Variants in CCM2 observed in about 807,000 individuals in gnomAD.
CCM2 encodes the protein cerebral cavernous malformations 2 protein.
CCM2 carries 25 observed loss-of-function variants against 44.9 expected under a neutral mutation model. The ratio of observed to expected loss-of-function variants is 0.56; its 90% CI spans 0.41 to 0.78. The LOEUF is 0.78. Ranked by LOEUF, CCM2 falls within the 30% of genes least tolerant of loss-of-function variation. CCM2 has a pLI of 0.00. For missense variants in CCM2, 481 were observed against 580.6 expected (o/e 0.83, Z 1.76); for synonymous variants, 219 against 241.1 (o/e 0.91, Z 0.85).
At chr7:45,004,780 G>T (rs1367650454) in intron 1 of CCM2, among the ~76,000 whole-genome samples, 1 of 152,056 alleles carries the variant, frequency 6.6e-6, no homozygotes, top group Non-Finnish European at 1.5e-5. Flanking sequence ...GGCTGAGGTG[G>T]GTGGATCACC....
intron 5 of CCM2, 116 bp downstream of exon 5, chr7:45,068,695 C>G: frequency 2.3e-6 from 3 of 1,324,110 alleles, no homozygotes; most frequent in Non-Finnish European, 3.2e-6. Flanking sequence ...GCCCCAGCTA[C>G]TTCCTCTGCC....
chr7:45,040,975 G>GT (rs1191500504), intron 2 of CCM2, among the ~76,000 whole-genome samples: 1 of 152,192 alleles, frequency 6.6e-6, no homozygotes, highest in Non-Finnish European at 1.5e-5. Flanking sequence ...AGGCGACAGC[G>GT]TGAGACGCGG....
chr7:45,076,198 GTCC>G lies in CCM2; in HGVS notation c.*144_*146del. 1 of 1,165,408 alleles carries G rather than the reference GTCC, an allele frequency of 8.6e-7. No individual in the cohort carries two copies. Among genetic ancestry groups the G allele is most frequent in the Non-Finnish European group, 1.2e-6 (1 of 809,746 alleles). 72.2% of individuals were successfully genotyped at this position (1,165,408 alleles called of 1,614,324 possible). ...GTGCAGATGGCCCCGGGCGGCCCAGGTCCTCTACTGTGAAGGAGCAGGGAGCTG... is the reference window on the plus strand; with the variant it reads ...GTGCAGATGGCCCCGGGCGGCCCAGGTCTACTGTGAAGGAGCAGGGAGCTG... On this transcript the variant is annotated 3_prime_UTR_variant, in exon 10 of 10. Coordinates refer to ENST00000258781, the MANE Select transcript of CCM2 (RefSeq NM_031443.4).
chr7:45,042,429 T>C (rs906557449), intron 2 of CCM2, among the ~76,000 whole-genome samples: 1 of 152,030 alleles, frequency 6.6e-6, no homozygotes, highest in East Asian at 1.9e-4. Context: ...ACTTAAAAGA[T>C]TCAGAAAGCT....
chr7:45,010,204 C>T (rs1255613381), intron 1 of CCM2, among the ~76,000 whole-genome samples: 1 of 152,146 alleles, frequency 6.6e-6, no homozygotes, highest in African/African-American at 2.4e-5. Flanking sequence ...AGCCACTGCT[C>T]CTGGCCAAAT....
Position 45,063,969 on chromosome 7 carries a change from A to T in CCM2, c.256A>T (p.Thr86Ser). The T allele has an allele frequency of 6.2e-7, 1 of 1,613,084 alleles. No individual in the cohort carries two copies. Among genetic ancestry groups the T allele is most frequent in the Non-Finnish European group, 8.5e-7 (1 of 1,179,166 alleles). Residue 86 changes from threonine to serine, a missense_variant, in exon 3 of 10, where the codon ACT (threonine) becomes TCT (serine). By Grantham distance (58) the Thr-to-Ser change is moderately conservative. Transcript: ENST00000258781. ...AGGATACCTGAATCCCTCCAGTAGG[A>T]CTGAAATCCTGCATTTCATAGACAA... ...IPGYLNPSSR[T>S]EILHFIDNAK...
At chr7:45,049,381 C>T (rs1424408903) in intron 2 of CCM2, among the ~76,000 whole-genome samples, 1 of 152,172 alleles carries the variant, frequency 6.6e-6, no homozygotes, top group Non-Finnish European at 1.5e-5. Context: ...CTGACACCAG[C>T]TTCTTGTGTC....
At chr7:45,009,698 C>G (rs1372061097) in intron 1 of CCM2, among the ~76,000 whole-genome samples, 1 of 152,136 alleles carries the variant, frequency 6.6e-6, no homozygotes. Flanking sequence ...GCCACCCTGC[C>G]TGGCCTGGCT....
chr7:45,069,215 C>G lies in CCM2; in HGVS notation c.610-611C>G, dbSNP rs954370619. 9.8e-5 allele frequency among the ~76,000 whole-genome samples: 15 copies of G among 152,358 alleles called. No homozygotes were observed. The South Asian group carries it at 1.4e-3, about 15-fold the overall frequency. ...TAAATATCCTCTAATGAGCATTTCT[C>G]AGTGTTGGTGCTACTGTCATTTTTA... On this transcript the variant is annotated intron_variant, in intron 5 of 9. Transcript: ENST00000258781.
At chr7:45,063,383 T>TA (rs1208227841) in intron 2 of CCM2, among the ~76,000 whole-genome samples, 8 of 152,330 alleles carry the variant, frequency 5.3e-5, no homozygotes, top group Non-Finnish European at 1.2e-4. Flanking sequence ...AATCACCTCT[T>TA]AAAGGCCCCA....
At chr7:45,005,093 T>C (rs1795794380) in intron 1 of CCM2, among the ~76,000 whole-genome samples, 1 of 152,098 alleles carries the variant, frequency 6.6e-6, no homozygotes, top group Non-Finnish European at 1.5e-5. Context: ...GGGGCTGCTA[T>C]ATTTTGTTTT....
At chr7:45,018,118 C>T (rs1206364509) in intron 1 of CCM2, among the ~76,000 whole-genome samples, 2 of 152,032 alleles carry the variant, frequency 1.3e-5, no homozygotes, top group Non-Finnish European at 2.9e-5. Flanking sequence ...AACCTAGATC[C>T]CTCCAACACA....
chr7:45,058,726 A>G (rs10266586), intron 2 of CCM2, among the ~76,000 whole-genome samples: 20,167 of 151,962 alleles, frequency 0.13, 1,648 homozygotes, highest in Middle Eastern at 0.22. Flanking sequence ...TTCTACATCT[A>G]TTGCTACAAT....
chr7:45,056,379 G>T (rs556067964), intron 2 of CCM2, among the ~76,000 whole-genome samples: 1 of 152,202 alleles, frequency 6.6e-6, no homozygotes, highest in East Asian at 1.9e-4. Context: ...TCTAGGCTGG[G>T]TGTGGTGGCT....
At chr7:45,034,642 C>T (rs1380993942) in intron 1 of CCM2, among the ~76,000 whole-genome samples, 1 of 149,840 alleles carries the variant, frequency 6.7e-6, no homozygotes, top group Non-Finnish European at 1.5e-5. Context: ...CCTCAGCCTC[C>T]CAAGTAGCTG....
chr7:45,061,668 A>G (rs934444721), intron 2 of CCM2, among the ~76,000 whole-genome samples: 2 of 151,750 alleles, frequency 1.3e-5, no homozygotes, highest in African/African-American at 4.9e-5. Flanking sequence ...TTCTTGTTGT[A>G]GAGATAGGGT....
rs1037069437 is a variant in CCM2 at position 45,030,389 on chromosome 7, T to G, written c.31-7864T>G. 1.2e-4 allele frequency among the ~76,000 whole-genome samples: 18 copies of G among 152,354 alleles called. 1 individual carries two copies. Among genetic ancestry groups the G allele is most frequent in the Non-Finnish European group, 2.6e-4 (18 of 68,030 alleles). ...GTGAGTTAAAGAACCCATGATGGTT[T>G]ACTGGAATCCTGATTCTGTACATTA... On this transcript the variant is annotated intron_variant, in intron 1 of 9. Transcript: ENST00000258781.
At chr7:45,007,310 C>G (rs1795884805) in intron 1 of CCM2, among the ~76,000 whole-genome samples, 1 of 152,188 alleles carries the variant, frequency 6.6e-6, no homozygotes, top group Non-Finnish European at 1.5e-5. Flanking sequence ...TGAGCCCAGC[C>G]ATGTCCTCTG....
At chr7:45,042,989 T>C (rs1797586860) in intron 2 of CCM2, among the ~76,000 whole-genome samples, 1 of 142,488 alleles carries the variant, frequency 7.0e-6, no homozygotes, top group Non-Finnish European at 1.5e-5. Flanking sequence ...TTTTTTTTCC[T>C]TGAGATAGGG....
Sources: allele counts gnomAD v4.1 joint callset (sites outside exome capture counted in the v4.1 genomes callset), GRCh38; gene constraint gnomAD v4.1.1; transcripts MANE v1.5; gene names NCBI Gene and HGNC (gene_info 2026-07-23, HGNC 2026-07-21).